The following TRIO variants were observed in gnomAD, a reference collection of about 807,000 sequenced individuals.
TRIO encodes triple functional domain protein.
Under a neutral mutation model 351.9 loss-of-function variants are expected in TRIO, and 58 were observed. The ratio of observed to expected loss-of-function variants is 0.16; its 90% CI spans 0.13 to 0.21. The LOEUF (loss-of-function observed/expected upper bound fraction) is 0.21, where lower values mean the gene tolerates loss of function less well. Ranked by LOEUF, TRIO falls within the 10% of genes least tolerant of loss-of-function variation. The pLI, the probability that TRIO is intolerant of heterozygous loss-of-function variation, is 1.00. For missense variants in TRIO, 3,201 were observed against 4,027.8 expected, an observed-to-expected ratio of 0.79 and a Z score of 5.56; for synonymous variants, 1,758 against 1,595.7, an observed-to-expected ratio of 1.10 and a Z score of -2.42.
intron 1 of TRIO, among the ~76,000 whole-genome samples, chr5:14,199,634 A>G (rs1453686692): frequency 6.6e-6 from 1 of 152,200 alleles, no homozygotes; most frequent in African/African-American, 2.4e-5. Flanking sequence ...TCTGCATCCT[A>G]ATGACCATCT....
chr5:14,298,430 A>C (rs970566309), intron 7 of TRIO, among the ~76,000 whole-genome samples: 2 of 152,228 alleles, frequency 1.3e-5, no homozygotes, highest in African/African-American at 2.4e-5. Flanking sequence ...ATGGTTGCTT[A>C]ATTTAAAAAG....
intron 1 of TRIO, among the ~76,000 whole-genome samples, chr5:14,226,550 G>C (rs889894518): frequency 6.6e-6 from 1 of 152,220 alleles, no homozygotes; most frequent in Admixed American, 6.5e-5. Flanking sequence ...TAGCTAGATA[G>C]AAGGGTTTTT....
At chr5:14,209,693 G>A (rs1476855298) in intron 1 of TRIO, among the ~76,000 whole-genome samples, 1 of 152,210 alleles carries the variant, frequency 6.6e-6, no homozygotes, top group Admixed American at 6.5e-5. Flanking sequence ...GAGGAACTCT[G>A]TGTTGTTTGA....
chr5:14,469,477 T>C (rs1478761395), intron 37 of TRIO, among the ~76,000 whole-genome samples: 1 of 152,264 alleles, frequency 6.6e-6, no homozygotes, highest in Non-Finnish European at 1.5e-5. Context: ...AGAATATTTC[T>C]GTAGACCTAT....
intron 9 of TRIO, among the ~76,000 whole-genome samples, chr5:14,325,539 A>G (rs1740300216): frequency 6.6e-6 from 1 of 152,224 alleles, no homozygotes; most frequent in South Asian, 2.1e-4. Flanking sequence ...AGGTGGTATC[A>G]GGCCATTGAT....
chr5:14,413,730 T>C (rs990466827), intron 33 of TRIO, among the ~76,000 whole-genome samples: 2 of 152,206 alleles, frequency 1.3e-5, no homozygotes, highest in East Asian at 1.9e-4. Flanking sequence ...AAAAGACAGA[T>C]TTTTTTTAAG....
chr5:14,407,226 G>A lies in TRIO; in HGVS notation c.4959+554G>A, dbSNP rs147765965. Among the ~76,000 whole-genome samples the A allele has an allele frequency of 5.9e-3, 895 of 152,214 alleles. 9 individuals carry two copies. Among genetic ancestry groups the A allele is most frequent in the African/African-American group, 0.02 (849 of 41,526 alleles). ...TATCCAAACAGGTTTGGCACAGGGC[G>A]TCTCAATGAGTGGGCTTAGAGCAAG... is the stretch of plus-strand genomic sequence containing the variant. On this transcript the variant is annotated intron_variant, in intron 33 of 56. Coordinates refer to ENST00000344204, the MANE Select transcript of TRIO (RefSeq NM_007118.4).
intron 27 of TRIO, among the ~76,000 whole-genome samples, chr5:14,392,208 A>G (rs1037341877): frequency 6.6e-6 from 1 of 151,862 alleles, no homozygotes; most frequent in Non-Finnish European, 1.5e-5. Flanking sequence ...GCTAACATCC[A>G]GAATCTACAA....
intron 12 of TRIO, among the ~76,000 whole-genome samples, chr5:14,358,785 A>G (rs1743868038): frequency 6.6e-6 from 1 of 152,134 alleles, no homozygotes; most frequent in African/African-American, 2.4e-5. Flanking sequence ...GTGCTCTTCA[A>G]AGCAGGATAT....
chr5:14,193,805 A>G (rs1208241224), intron 1 of TRIO, among the ~76,000 whole-genome samples: 1 of 152,186 alleles, frequency 6.6e-6, no homozygotes, highest in Non-Finnish European at 1.5e-5. Context: ...CCTCACATAC[A>G]TTCTTATAGC....
chr5:14,336,755 T>C (rs370072979), intron 11 of TRIO, 28 bp downstream of exon 11: 1 of 1,612,450 alleles, frequency 6.2e-7, no homozygotes, highest in Non-Finnish European at 8.5e-7. Context: ...CAAAATATGA[T>C]CTGTGCTTGA....
intron 39 of TRIO, among the ~76,000 whole-genome samples, chr5:14,473,195 C>A (rs116650288): frequency 1.3e-5 from 2 of 152,180 alleles, no homozygotes; most frequent in African/African-American, 4.8e-5. Context: ...AAACCACTGC[C>A]TTTTGTACTG....
chr5:14,474,531 T>C (rs1379003838), intron 40 of TRIO, among the ~76,000 whole-genome samples: 1 of 152,194 alleles, frequency 6.6e-6, no homozygotes, highest in Non-Finnish European at 1.5e-5. Context: ...GTTAATACTT[T>C]TACAGAGTAC....
chr5:14,440,336 G>A (rs1436792852), intron 34 of TRIO, among the ~76,000 whole-genome samples: 1 of 152,186 alleles, frequency 6.6e-6, no homozygotes, highest in Non-Finnish European at 1.5e-5. Context: ...GGAGGGCACC[G>A]AGGAACAGGG....
At chr5:14,505,444 G>C (rs1757604875) in intron 55 of TRIO, among the ~76,000 whole-genome samples, 1 of 152,196 alleles carries the variant, frequency 6.6e-6, no homozygotes, top group Non-Finnish European at 1.5e-5. Context: ...TTTTCCATGG[G>C]GAAGGGTAAA....
At chr5:14,216,150 C>T (rs924235530) in intron 1 of TRIO, among the ~76,000 whole-genome samples, 3 of 152,186 alleles carry the variant, frequency 2.0e-5, no homozygotes, top group Non-Finnish European at 2.9e-5. Flanking sequence ...GATGGGGACT[C>T]ATCCTTTTCA....
intron 1 of TRIO, among the ~76,000 whole-genome samples, chr5:14,197,573 A>G (rs1207911701): frequency 2.0e-5 from 3 of 152,212 alleles, no homozygotes; most frequent in Non-Finnish European, 4.4e-5. Context: ...TCATATGGCA[A>G]CAGTAGTAGT....
At position 14,290,856 on chromosome 5, in the gene TRIO, C is replaced by T. The variant is rs1191892319; in HGVS notation, c.681C>T (p.Ala227=). The T allele has an allele frequency of 3.1e-6, 5 of 1,614,038 alleles. No homozygotes were observed. In the Admixed American group the frequency reaches 6.7e-5, roughly 22 times the overall value. The part of the protein sequence containing the change: ...RVAFEDYISN[A]THMLSRLEEL... ...CTTTTGAAGACTACATTAGCAATGC[C>T]ACCCACATGCTGTCTCGGCTGGAGG... The change falls in exon 5 of 57, where the codon GCC becomes GCT. Residue 227 remains alanine (A), a synonymous_variant. Transcript: ENST00000344204.
intron 1 of TRIO, among the ~76,000 whole-genome samples, chr5:14,196,621 G>A (rs1790788055): frequency 6.6e-6 from 1 of 152,076 alleles, no homozygotes; most frequent in African/African-American, 2.4e-5. Flanking sequence ...CAGAAGCTGG[G>A]AAGTCATTAC....
Sources: gnomAD v4.1 joint callset for allele counts (sites outside exome capture counted in the v4.1 genomes callset) on GRCh38, gnomAD v4.1.1 for gene constraint, MANE v1.5 for transcripts, NCBI Gene and HGNC (gene_info 2026-07-23, HGNC 2026-07-21) for gene names.